The following PPP1CB variants were observed in gnomAD, a reference collection of about 807,000 sequenced individuals.
PPP1CB encodes the protein serine/threonine-protein phosphatase PP1-beta catalytic subunit.
Under a neutral mutation model 43.7 loss-of-function variants are expected in PPP1CB, and 2 were observed. The ratio of observed to expected loss-of-function variants is 0.05; its 90% CI spans 0.02 to 0.14. PPP1CB has a LOEUF of 0.14. Among genes scored for constraint, PPP1CB ranks in the 10% least tolerant of loss-of-function variants. The pLI is 1.00. For synonymous variants in PPP1CB, 136 were observed against 135.6 expected, an observed-to-expected ratio of 1.00 and a Z score of -0.02; for missense variants, 84 against 398.0, an observed-to-expected ratio of 0.21 and a Z score of 6.71.
Position 28,766,284 on chromosome 2 carries a change from G to C in PPP1CB, c.53-10567G>C, listed in dbSNP as rs1257855372. ...GTGGTTGGCCAAATGAGGATATTCA[G>C]CTTTTATTACTAACAAATAGTCATG... On this transcript the variant is annotated intron_variant, in intron 1 of 7. Coordinates refer to ENST00000395366, the MANE Select transcript of PPP1CB (RefSeq NM_002709.3). Among the ~76,000 whole-genome samples, 5 of 152,182 alleles carry C rather than the reference G, an allele frequency of 3.3e-5. 1 individual carries two copies. Among genetic ancestry groups the C allele is most frequent in the Non-Finnish European group, 7.3e-5 (5 of 68,040 alleles).
chr2:28,789,883 G>A (rs1025128540), intron 6 of PPP1CB, among the ~76,000 whole-genome samples: 4 of 152,136 alleles, frequency 2.6e-5, no homozygotes, highest in East Asian at 3.9e-4. Flanking sequence ...AGGCGTGAGC[G>A]TGAACCACTG....
At chr2:28,755,926 T>G (rs1666478941) in intron 1 of PPP1CB, among the ~76,000 whole-genome samples, 1 of 152,222 alleles carries the variant, frequency 6.6e-6, no homozygotes, top group Non-Finnish European at 1.5e-5. Flanking sequence ...TTTTTCCTGA[T>G]TATGAAAGGG....
intron 1 of PPP1CB, among the ~76,000 whole-genome samples, chr2:28,757,571 G>T (rs575377755): frequency 6.6e-6 from 1 of 152,178 alleles, no homozygotes; most frequent in Admixed American, 6.5e-5. Flanking sequence ...CTGTAGGGAA[G>T]GTGTTTTGTG....
At chr2:28,781,641 TGAA>T (rs1667160217) in intron 3 of PPP1CB, 94 bp from the exon 4 acceptor site, 2 of 825,898 alleles carry the variant, frequency 2.4e-6, no homozygotes, top group South Asian at 3.3e-5. Flanking sequence ...CATGAAGAAA[TGAA>T]GAAAATTGAA....
intron 1 of PPP1CB, among the ~76,000 whole-genome samples, chr2:28,761,916 A>G (rs2148457986): frequency 6.6e-6 from 1 of 152,330 alleles, no homozygotes; most frequent in East Asian, 1.9e-4. Context: ...ATATGTAAAG[A>G]ATTGAAAACG....
chr2:28,784,541 C>T (rs1213443496), intron 5 of PPP1CB, among the ~76,000 whole-genome samples: 1 of 152,012 alleles, frequency 6.6e-6, no homozygotes, highest in Non-Finnish European at 1.5e-5. Flanking sequence ...GGACTCCAGG[C>T]ATGTGCCATA....
intron 1 of PPP1CB, among the ~76,000 whole-genome samples, chr2:28,765,217 T>C (rs6707848): frequency 0.62 from 94,073 of 152,038 alleles, 30,030 homozygotes; most frequent in South Asian, 0.73. Flanking sequence ...GATACACATT[T>C]TGCTTAATTG....
At chr2:28,759,244 G>T (rs971753922) in intron 1 of PPP1CB, among the ~76,000 whole-genome samples, 2 of 152,130 alleles carry the variant, frequency 1.3e-5, no homozygotes, top group African/African-American at 4.8e-5. Context: ...GGCCACGCGT[G>T]GTGGCTCATG....
chr2:28,765,208 A>T (rs1211159537), intron 1 of PPP1CB, among the ~76,000 whole-genome samples: 1 of 152,186 alleles, frequency 6.6e-6, no homozygotes, highest in East Asian at 1.9e-4. Context: ...TTGGGAGAGG[A>T]TACACATTTT....
At chr2:28,797,134 G>A (rs1005354574) in intron 7 of PPP1CB, among the ~76,000 whole-genome samples, 3 of 152,092 alleles carry the variant, frequency 2.0e-5, no homozygotes, top group Non-Finnish European at 4.4e-5. Flanking sequence ...TCTTGATTGT[G>A]GTGAGTTAAC....
chr2:28,779,061 G>C (rs1265727564), intron 3 of PPP1CB, 22 bp downstream of exon 3: 4 of 1,488,540 alleles, frequency 2.7e-6, no homozygotes, highest in South Asian at 1.2e-5. Flanking sequence ...TAAAGACTTA[G>C]AAAAGTAATT....
intron 1 of PPP1CB, among the ~76,000 whole-genome samples, chr2:28,757,857 T>C (rs1302003008): frequency 6.6e-6 from 1 of 151,938 alleles, no homozygotes; most frequent in African/African-American, 2.4e-5. Context: ...AATATCTAAA[T>C]CCAAGATGAA....
intron 1 of PPP1CB, among the ~76,000 whole-genome samples, chr2:28,770,957 G>A (rs1175030328): frequency 1.3e-5 from 2 of 151,436 alleles, no homozygotes; most frequent in Non-Finnish European, 2.9e-5. Flanking sequence ...ATAAATAAAA[G>A]GAGAGATACC....
chr2:28,799,638 A>T lies in PPP1CB; in HGVS notation c.*335A>T, dbSNP rs1450234975. 8 of 198,802 alleles carry T rather than the reference A, an allele frequency of 4.0e-5. No homozygotes were observed. The highest frequency in any genetic ancestry group is 1.8e-4 in the African/African-American group (8 of 43,334). The allele number at this position is 198,802 out of a possible 1,614,324, so 12.3% of individuals were successfully genotyped here. Reference sequence around the variant, plus strand: ...AAACCAGATGAAAGCATGATGATCCATCTGTGTAATGTGGTTTTAGTGTTG... The same window carrying T: ...AAACCAGATGAAAGCATGATGATCCTTCTGTGTAATGTGGTTTTAGTGTTG... On this transcript the variant is annotated 3_prime_UTR_variant, in exon 8 of 8. Transcript: ENST00000395366.
intron 2 of PPP1CB, 155 bp downstream of exon 2, chr2:28,777,137 TGAC>T: frequency 1.4e-6 from 1 of 717,802 alleles, no homozygotes; most frequent in Non-Finnish European, 2.1e-6. Flanking sequence ...CTTATAAAAA[TGAC>T]AAGTTACAGA....
intron 3 of PPP1CB, among the ~76,000 whole-genome samples, chr2:28,780,084 C>CTTTTTT (rs10559224): frequency 6.1e-4 from 80 of 131,812 alleles, no homozygotes; most frequent in East Asian, 1.8e-3. Flanking sequence ...TCTTTTCTTT[C>CTTTTTT]TTTTTTTTTT....
At chr2:28,772,806 T>C (rs1168133691) in intron 1 of PPP1CB, among the ~76,000 whole-genome samples, 1 of 152,200 alleles carries the variant, frequency 6.6e-6, no homozygotes, top group Non-Finnish European at 1.5e-5. Context: ...CCAATGAGCA[T>C]TTTCTTTGAG....
chr2:28,797,799 A>G (rs1409133699), intron 7 of PPP1CB, among the ~76,000 whole-genome samples: 1 of 152,144 alleles, frequency 6.6e-6, no homozygotes, highest in Non-Finnish European at 1.5e-5. Context: ...CATTTTTAAA[A>G]GAGGCCAGTT....
chr2:28,769,360 C>T (rs543181005), intron 1 of PPP1CB, among the ~76,000 whole-genome samples: 46 of 152,160 alleles, frequency 3.0e-4, no homozygotes, highest in Non-Finnish European at 6.3e-4. Flanking sequence ...CTTCAGCCTC[C>T]CGAGTAGCTG....
Sources: allele counts gnomAD v4.1 joint callset (sites outside exome capture counted in the v4.1 genomes callset), GRCh38; gene constraint gnomAD v4.1.1; transcripts MANE v1.5; gene names NCBI Gene and HGNC (gene_info 2026-07-23, HGNC 2026-07-21).